The following SH3BGRL2 variants were observed in gnomAD, a reference collection of about 807,000 sequenced individuals.
SH3BGRL2 encodes the protein SH3 domain binding glutamate rich protein like 2.
A neutral mutation model predicts 14.8 loss-of-function variants in SH3BGRL2; 21 were observed. The ratio of observed to expected loss-of-function variants is 1.42; its 90% confidence interval spans 1.01 to 2.05. The LOEUF (loss-of-function observed/expected upper bound fraction) is 2.05, where lower values mean the gene tolerates loss of function less well. Ranked by LOEUF, SH3BGRL2 falls within the 30% of genes most tolerant of loss-of-function variation. The pLI is 0.00. For synonymous variants in SH3BGRL2, 50 were observed against 47.8 expected (o/e 1.05, Z -0.19); for missense variants, 147 against 130.8 (o/e 1.12, Z -0.61).
the SH3BGRL2 span, among the ~76,000 whole-genome samples, chr6:79,580,098 C>G: frequency 6.7e-6 from 1 of 150,116 alleles, no homozygotes; most frequent in South Asian, 2.1e-4. Context: ...GAAGAGCTAA[C>G]TATCCTAAAT....
the SH3BGRL2 span, among the ~76,000 whole-genome samples, chr6:79,571,425 C>T: frequency 1.7e-3 from 262 of 152,280 alleles, no homozygotes; most frequent in African/African-American, 5.8e-3. Flanking sequence ...TTGTTTTGTT[C>T]TGCTTTGCTT....
At chr6:79,694,263 G>T (rs530148872) in intron 2 of SH3BGRL2, among the ~76,000 whole-genome samples, 3 of 152,320 alleles carry the variant, frequency 2.0e-5, no homozygotes, top group South Asian at 4.1e-4. Context: ...ATATCTTAAA[G>T]GATGGAACAA....
At chr6:79,541,263 A>G in the SH3BGRL2 span, among the ~76,000 whole-genome samples, 2 of 152,100 alleles carry the variant, frequency 1.3e-5, no homozygotes, top group Non-Finnish European at 2.9e-5. Flanking sequence ...AAAAAAAAAG[A>G]AGTTTCCTTT....
the SH3BGRL2 span, chr6:79,574,495 T>C: frequency 6.6e-6 from 1 of 152,176 alleles, no homozygotes; most frequent in African/African-American, 2.4e-5. Flanking sequence ...ATAATTTTTA[T>C]GTCTAGGAAA....
At chr6:79,559,177 A>AT in the SH3BGRL2 span, among the ~76,000 whole-genome samples, 14 of 152,320 alleles carry the variant, frequency 9.2e-5, no homozygotes, top group Admixed American at 6.5e-4. Flanking sequence ...TAAGACCTGC[A>AT]GATAGACCAG....
At chr6:79,653,577 C>G (rs1769346554) in intron 1 of SH3BGRL2, among the ~76,000 whole-genome samples, 1 of 152,138 alleles carries the variant, frequency 6.6e-6, no homozygotes, top group Non-Finnish European at 1.5e-5. Flanking sequence ...AAGGAGAGTA[C>G]ATTTTGGTTC....
chr6:79,689,294 A>G (rs200033206), intron 2 of SH3BGRL2, among the ~76,000 whole-genome samples: 3 of 151,170 alleles, frequency 2.0e-5, no homozygotes, highest in East Asian at 3.9e-4. Context: ...CCTGCTGGCA[A>G]TAGTGATAGG....
chr6:79,605,955 T>C, the SH3BGRL2 span, among the ~76,000 whole-genome samples: 1 of 152,208 alleles, frequency 6.6e-6, no homozygotes, highest in Admixed American at 6.5e-5. Context: ...TCAACTTAAT[T>C]ATATTTTAAT....
At chr6:79,595,735 G>A in the SH3BGRL2 span, among the ~76,000 whole-genome samples, 2 of 152,166 alleles carry the variant, frequency 1.3e-5, no homozygotes, top group African/African-American at 2.4e-5. Flanking sequence ...GTAAAAGATT[G>A]GTTGCATTCC....
chr6:79,619,518 C>A, the SH3BGRL2 span, among the ~76,000 whole-genome samples: 34 of 152,264 alleles, frequency 2.2e-4, no homozygotes, highest in East Asian at 6.0e-3. Context: ...TTTGTTTATA[C>A]CCTCCTGGTC....
At chr6:79,697,394 G>T (rs528024931) in intron 3 of SH3BGRL2, among the ~76,000 whole-genome samples, 1 of 152,212 alleles carries the variant, frequency 6.6e-6, no homozygotes, top group East Asian at 1.9e-4. Context: ...AATTGAGACT[G>T]AATTCTAATA....
At chr6:79,630,835 A>G (rs1252444342), upstream of SH3BGRL2, among the ~76,000 whole-genome samples, 1 of 152,078 alleles carries the variant, frequency 6.6e-6, no homozygotes, top group Non-Finnish European at 1.5e-5. Context: ...GTGCTACTGG[A>G]CAAACAAACG....
intron 1 of SH3BGRL2, among the ~76,000 whole-genome samples, chr6:79,668,860 G>A (rs1233288162): frequency 6.6e-6 from 1 of 151,806 alleles, no homozygotes; most frequent in African/African-American, 2.4e-5. Flanking sequence ...GTCTTTTTTC[G>A]CATCAGGGTC....
chr6:79,596,161 T>A, the SH3BGRL2 span, among the ~76,000 whole-genome samples: 1 of 152,028 alleles, frequency 6.6e-6, no homozygotes, highest in Non-Finnish European at 1.5e-5. Flanking sequence ...ACCTTCTGGG[T>A]TTTTTGGTGG....
At chr6:79,674,968 G>GT (rs1171237103) in intron 2 of SH3BGRL2, among the ~76,000 whole-genome samples, 1 of 152,064 alleles carries the variant, frequency 6.6e-6, no homozygotes, top group Admixed American at 6.6e-5. Context: ...ATTTTATGGG[G>GT]TTTTTAATAT....
intron 2 of SH3BGRL2, among the ~76,000 whole-genome samples, chr6:79,681,997 T>G (rs1769997053): frequency 7.0e-6 from 1 of 141,906 alleles, no homozygotes; most frequent in African/African-American, 2.5e-5. Context: ...TACACTATTA[T>G]TTTACACACA....
At chr6:79,647,877 A>G (rs1306516058) in intron 1 of SH3BGRL2, among the ~76,000 whole-genome samples, 5 of 152,060 alleles carry the variant, frequency 3.3e-5, no homozygotes, top group African/African-American at 9.7e-5. Flanking sequence ...TTTGATTTGT[A>G]TATCCACGCT....
the SH3BGRL2 span, among the ~76,000 whole-genome samples, chr6:79,615,735 C>T: frequency 6.7e-6 from 1 of 150,168 alleles, no homozygotes; most frequent in South Asian, 2.1e-4. Context: ...CATCTAAATG[C>T]CAAATAATTT....
the SH3BGRL2 span, among the ~76,000 whole-genome samples, chr6:79,593,090 A>T: frequency 8.5e-5 from 13 of 152,202 alleles, no homozygotes; most frequent in African/African-American, 3.1e-4. Context: ...CCAAGACATT[A>T]TAATTTTTCA....
Sources: allele counts gnomAD v4.1 joint callset (sites outside exome capture counted in the v4.1 genomes callset), GRCh38; gene constraint gnomAD v4.1.1; transcripts MANE v1.5; gene names NCBI Gene and HGNC (gene_info 2026-07-23, HGNC 2026-07-21).